Variants in GSG1L observed in about 807,000 individuals in gnomAD.
GSG1L encodes germ cell-specific gene 1-like protein.
Under a neutral mutation model 42.1 loss-of-function variants are expected in GSG1L, and 24 were observed. That is an observed-to-expected ratio of 0.57 (90% CI 0.41 to 0.80). GSG1L has a LOEUF of 0.80. GSG1L is among the 30% of genes least tolerant of loss of function. The pLI is 0.00. For synonymous variants in GSG1L, 215 were observed against 203.5 expected (o/e 1.06, Z -0.48); for missense variants, 445 against 472.2 (o/e 0.94, Z 0.53).
chr16:27,816,650 C>T (rs2140953063), intron 5 of GSG1L, among the ~76,000 whole-genome samples: 1 of 152,318 alleles, frequency 6.6e-6, no homozygotes, highest in East Asian at 1.9e-4. Flanking sequence ...AAAACCGTGG[C>T]TGAACTGAAG....
At chr16:28,013,365 A>C (rs554617375) in intron 1 of GSG1L, among the ~76,000 whole-genome samples, 1 of 148,504 alleles carries the variant, frequency 6.7e-6, no homozygotes, top group East Asian at 2.0e-4. Flanking sequence ...GAGCAGAGGG[A>C]GGTGGGCGTC....
chr16:27,973,056 G>A (rs2085210981), intron 1 of GSG1L, among the ~76,000 whole-genome samples: 1 of 152,162 alleles, frequency 6.6e-6, no homozygotes, highest in South Asian at 2.1e-4. Flanking sequence ...CCATCTTTCT[G>A]TGCCTTTATT....
chr16:27,900,574 ACT>A (rs2084244918), intron 2 of GSG1L, among the ~76,000 whole-genome samples: 3 of 152,274 alleles, frequency 2.0e-5, no homozygotes, highest in Admixed American at 1.3e-4. Flanking sequence ...AGGTAAGGAC[ACT>A]GAGGCAGAGA....
intron 5 of GSG1L, chr16:27,824,050 A>C (rs2083179686): frequency 3.1e-6 from 2 of 651,664 alleles, no homozygotes; most frequent in East Asian, 5.5e-5. Context: ...CCATGCTTCG[A>C]AATACCCTCG....
At chr16:27,883,765 C>A (rs1176675646) in intron 3 of GSG1L, among the ~76,000 whole-genome samples, 1 of 152,194 alleles carries the variant, frequency 6.6e-6, no homozygotes, top group African/African-American at 2.4e-5. Context: ...CCTGCGTAAT[C>A]CCAGCTTAAC....
intron 1 of GSG1L, among the ~76,000 whole-genome samples, chr16:28,046,587 C>A (rs926637756): frequency 6.6e-6 from 1 of 152,072 alleles, no homozygotes; most frequent in East Asian, 1.9e-4. Flanking sequence ...ATCTCCTGAC[C>A]TCATGATCCG....
intron 4 of GSG1L, among the ~76,000 whole-genome samples, chr16:27,840,981 A>G (rs2083374435): frequency 6.6e-6 from 1 of 152,196 alleles, no homozygotes. Context: ...CACCACCCAG[A>G]TGAGCCCGGT....
At position 27,845,190 on chromosome 16, in the gene GSG1L, TA is replaced by T. The variant is rs925491757; in HGVS notation, c.551-130del. 6.3e-5 allele frequency: 37 copies of T among 589,976 alleles called. No individual in the cohort carries two copies. In the Admixed American group the frequency reaches 7.0e-4, roughly 11 times the overall value. The allele number at this position is 589,976 out of a possible 1,614,324, so 36.5% of individuals were successfully genotyped here. ...ACTGTGGAGAACAGGGACCTCTGGG[TA>T]AGGGAGGTCAGCAGGAACAGAGCTT... is the stretch of plus-strand genomic sequence containing the variant. On this transcript the variant is annotated intron_variant, in intron 3 of 6. Coordinates refer to ENST00000447459, the MANE Select transcript of GSG1L (RefSeq NM_001109763.2).
chr16:27,900,897 G>T (rs1164549128), intron 2 of GSG1L, among the ~76,000 whole-genome samples: 1 of 151,944 alleles, frequency 6.6e-6, no homozygotes. Flanking sequence ...GGAGGCCATG[G>T]TGGGTGGATC....
At chr16:27,865,539 A>ATC (rs2083705699) in intron 3 of GSG1L, among the ~76,000 whole-genome samples, 1 of 12,264 alleles carries the variant, frequency 8.2e-5, no homozygotes, top group Non-Finnish European at 1.4e-4. Context: ...ATATATATAT[A>ATC]TATATATATA....
intron 2 of GSG1L, among the ~76,000 whole-genome samples, chr16:27,910,542 A>C (rs984082535): frequency 2.6e-5 from 4 of 152,208 alleles, no homozygotes; most frequent in African/African-American, 9.6e-5. Context: ...CAAGGTTTGA[A>C]CCAGGCCACT....
rs145162513 is a variant in GSG1L, at chr16:27,931,268, G to C, written c.397+31888C>G. Among the ~76,000 whole-genome samples, 577 of 152,278 alleles carry C rather than the reference G, an allele frequency of 3.8e-3. 3 individuals carry two copies. Among genetic ancestry groups the C allele is most frequent in the African/African-American group, 0.013 (550 of 41,558 alleles). On this transcript the variant is annotated intron_variant, in intron 2 of 6. Transcript: ENST00000447459. ...GCCTGGAACAAAGTAGAGGAGGCTG[G>C]ACAGCTTCCCGGCTGCAATCTCCTG...
At chr16:27,890,599 A>T (rs1567507157) in intron 2 of GSG1L, among the ~76,000 whole-genome samples, 1 of 152,122 alleles carries the variant, frequency 6.6e-6, no homozygotes, top group Non-Finnish European at 1.5e-5. Flanking sequence ...GGCAAAGGAG[A>T]GGGAGGAGGC....
At chr16:27,812,881 C>T (rs1270534334) in intron 5 of GSG1L, among the ~76,000 whole-genome samples, 5 of 152,060 alleles carry the variant, frequency 3.3e-5, no homozygotes, top group South Asian at 2.1e-4. Context: ...CTCCGCCTCC[C>T]GGATTCTTCC....
At chr16:27,862,236 A>G (rs1418020865) in intron 3 of GSG1L, among the ~76,000 whole-genome samples, 1 of 152,188 alleles carries the variant, frequency 6.6e-6, no homozygotes, top group Non-Finnish European at 1.5e-5. Context: ...TGACTTAATG[A>G]AGTAAGTAGC....
intron 1 of GSG1L, among the ~76,000 whole-genome samples, chr16:28,015,895 G>A (rs1228878116): frequency 2.0e-5 from 3 of 152,178 alleles, no homozygotes; most frequent in Admixed American, 2.0e-4. Flanking sequence ...GTATAATCTG[G>A]GGATATGGCA....
chr16:27,882,987 G>C (rs1276186049), intron 3 of GSG1L, among the ~76,000 whole-genome samples: 1 of 151,548 alleles, frequency 6.6e-6, no homozygotes, highest in African/African-American at 2.4e-5. Flanking sequence ...GGGGGGATGG[G>C]GGTTGCCTAT....
intron 2 of GSG1L, among the ~76,000 whole-genome samples, chr16:27,944,100 G>T (rs1459698477): frequency 1.3e-5 from 2 of 152,116 alleles, no homozygotes; most frequent in Admixed American, 1.3e-4. Flanking sequence ...GGCCAGGAAG[G>T]GTTACAGGGG....
intron 3 of GSG1L, among the ~76,000 whole-genome samples, chr16:27,863,684 T>C (rs1425168188): frequency 6.6e-6 from 1 of 152,198 alleles, no homozygotes; most frequent in Admixed American, 6.5e-5. Context: ...CTGACTCAGC[T>C]CAGGGAACTA....
Sources: gnomAD v4.1 joint callset for allele counts (sites outside exome capture counted in the v4.1 genomes callset) on GRCh38, gnomAD v4.1.1 for gene constraint, MANE v1.5 for transcripts, NCBI Gene and HGNC (gene_info 2026-07-23, HGNC 2026-07-21) for gene names.